ERP44: variants seen among roughly 807,000 people sequenced by gnomAD.
The protein encoded by ERP44 is endoplasmic reticulum protein 44.
ERP44 carries 25 observed loss-of-function variants against 53.4 expected under a neutral mutation model. The observed-to-expected ratio is 0.47, with a 90% CI of 0.34 to 0.65. ERP44 has a LOEUF of 0.65. Among genes scored for constraint, ERP44 ranks in the 30% least tolerant of loss-of-function variants. The probability of loss-of-function intolerance (pLI) is 0.01; values close to 1 mark genes in which losing one functional copy is unlikely to be tolerated. For missense variants in ERP44, 338 were observed against 493.2 expected (o/e 0.69, Z 2.98); for synonymous variants, 145 against 161.2 (o/e 0.90, Z 0.76).
chr9:99,983,880 C>T (rs1830173117), intron 11 of ERP44, among the ~76,000 whole-genome samples: 1 of 152,184 alleles, frequency 6.6e-6, no homozygotes, highest in African/African-American at 2.4e-5. Context: ...TTGGTGCCCT[C>T]TGTTAGTACA....
At chr9:100,096,985 C>G (rs968819118) in intron 1 of ERP44, among the ~76,000 whole-genome samples, 13 of 152,272 alleles carry the variant, frequency 8.5e-5, no homozygotes, top group African/African-American at 2.6e-4. Context: ...TAGGTAAACA[C>G]TGTATTCCAA....
chr9:99,993,066 A>G (rs1830272613), intron 10 of ERP44, among the ~76,000 whole-genome samples: 1 of 152,240 alleles, frequency 6.6e-6, no homozygotes, highest in Non-Finnish European at 1.5e-5. Flanking sequence ...AAGAATCAAT[A>G]TCATAAAAAT....
At chr9:100,027,402 C>G (rs1235388463) in intron 4 of ERP44, among the ~76,000 whole-genome samples, 1 of 152,118 alleles carries the variant, frequency 6.6e-6, no homozygotes, top group Non-Finnish European at 1.5e-5. Context: ...AAGCAAAAAC[C>G]TTAAAATTAC....
intron 8 of ERP44, among the ~76,000 whole-genome samples, chr9:100,011,607 TTA>T (rs1317346776): frequency 1.3e-5 from 2 of 152,086 alleles, no homozygotes; most frequent in Admixed American, 6.5e-5. Context: ...TGACACATAA[TTA>T]AAGATAGAAA....
At chr9:100,077,338 C>T (rs571226834) in intron 1 of ERP44, among the ~76,000 whole-genome samples, 1 of 152,316 alleles carries the variant, frequency 6.6e-6, no homozygotes, top group South Asian at 2.1e-4. Flanking sequence ...TCTCCATCAT[C>T]CTGAAGCAGC....
At chr9:100,088,297 T>G (rs1323208381) in intron 1 of ERP44, among the ~76,000 whole-genome samples, 1 of 152,278 alleles carries the variant, frequency 6.6e-6, no homozygotes, top group Non-Finnish European at 1.5e-5. Flanking sequence ...ATGCTGTATC[T>G]TATTCACTAT....
intron 8 of ERP44, among the ~76,000 whole-genome samples, chr9:100,008,476 A>C (rs1830441173): frequency 6.6e-6 from 1 of 152,218 alleles, no homozygotes; most frequent in Admixed American, 6.5e-5. Flanking sequence ...ACAAATGCTA[A>C]GTTCTGACTC....
chr9:100,014,634 C>T (rs1001737062), intron 8 of ERP44, among the ~76,000 whole-genome samples: 1 of 152,302 alleles, frequency 6.6e-6, no homozygotes, highest in East Asian at 1.9e-4. Context: ...TTTAATATTT[C>T]ACAGCATGTG....
intron 9 of ERP44, 85 bp from the exon 10 acceptor site, chr9:100,006,732 T>A (rs1239740568): frequency 4.3e-6 from 4 of 939,250 alleles, no homozygotes; most frequent in East Asian, 2.5e-5. Flanking sequence ...AAAAGTGACA[T>A]ACTAAAAAAA....
At position 100,098,795 on chromosome 9, in the gene ERP44, G is replaced by A. The variant is rs140289515; in HGVS notation, c.46C>T (p.Leu16Phe). ...ATTCCCTCACTCACCAGGAGCAGAAGGGAGCATCTGAGGTCGGGTAAGGAT... is the reference window on the plus strand; with the variant it reads ...ATTCCCTCACTCACCAGGAGCAGAAAGGAGCATCTGAGGTCGGGTAAGGAT... ...FLSLPDLRCS[L>F]LLLVTWVFTP... is the part of the protein sequence containing the mutation. The change falls in exon 1 of 12, where the codon CTT becomes TTT. Residue 16 changes from leucine to phenylalanine, a missense_variant. Around this residue, in one of 3 missense-constraint regions of ERP44, gnomAD observed 224 missense variants for 301.4 expected, o/e 0.74. Coordinates refer to ENST00000262455, the MANE Select transcript of ERP44 (RefSeq NM_015051.3). The A allele has an allele frequency of 6.2e-7, 1 of 1,613,818 alleles. No individual in the cohort carries two copies. The highest frequency in any genetic ancestry group is 1.3e-5 in the African/African-American group (1 of 74,938).
chr9:100,078,869 G>T (rs1432210587), intron 1 of ERP44, among the ~76,000 whole-genome samples: 1 of 152,218 alleles, frequency 6.6e-6, no homozygotes, highest in Admixed American at 6.5e-5. Context: ...TTATGTAGTA[G>T]TATTTGGGTT....
chr9:100,021,199 C>T (rs924584146), intron 5 of ERP44, among the ~76,000 whole-genome samples: 1 of 152,154 alleles, frequency 6.6e-6, no homozygotes, highest in African/African-American at 2.4e-5. Context: ...GCGAGCAACA[C>T]GGAAATACGA....
chr9:100,079,455 C>G (rs866494747), intron 1 of ERP44, among the ~76,000 whole-genome samples: 8 of 144,732 alleles, frequency 5.5e-5, no homozygotes, highest in South Asian at 2.1e-4. Flanking sequence ...CACACACACA[C>G]AGACACCCTA....
At chr9:100,087,418 C>G (rs747813972) in intron 1 of ERP44, among the ~76,000 whole-genome samples, 1 of 152,116 alleles carries the variant, frequency 6.6e-6, no homozygotes, top group Non-Finnish European at 1.5e-5. Flanking sequence ...TACCATTGGA[C>G]AGACAACTTG....
chr9:100,075,662 T>A (rs1826347544), intron 1 of ERP44, among the ~76,000 whole-genome samples: 1 of 152,186 alleles, frequency 6.6e-6, no homozygotes, highest in Non-Finnish European at 1.5e-5. Context: ...TTTCTAGGGT[T>A]TCAGTGGTGT....
chr9:99,980,287 A>ACAT lies in ERP44; in HGVS notation c.*2322_*2324dup, dbSNP rs1830135256. On this transcript the variant is annotated 3_prime_UTR_variant, in exon 12 of 12. Transcript: ENST00000262455. ...CAGAAATAATGCTTTATTCAGCTTT[A>ACAT]CATCTTTCATCATATACTACAGCAC... The ACAT allele has an allele frequency of 2.6e-6, 1 of 378,558 alleles. No individual in the cohort carries two copies. 23.4% of individuals were successfully genotyped at this position (378,558 alleles called of 1,614,324 possible).
chr9:100,043,744 G>A (rs1004856465), intron 4 of ERP44, among the ~76,000 whole-genome samples: 3 of 151,478 alleles, frequency 2.0e-5, no homozygotes, highest in Non-Finnish European at 2.9e-5. Context: ...GACAGAGCAA[G>A]ACTCTGTCTC....
At chr9:100,047,844 A>AAT (rs1825991583) in intron 4 of ERP44, among the ~76,000 whole-genome samples, 1 of 152,188 alleles carries the variant, frequency 6.6e-6, no homozygotes, top group Non-Finnish European at 1.5e-5. Context: ...ATGAGGGGTG[A>AAT]ATATCTAGAA....
At chr9:99,987,219 A>G (rs1229347815) in intron 10 of ERP44, among the ~76,000 whole-genome samples, 2 of 152,256 alleles carry the variant, frequency 1.3e-5, no homozygotes, top group Non-Finnish European at 2.9e-5. Flanking sequence ...GCTCTTATCT[A>G]GCTTGTGGCC....
Sources: gnomAD v4.1 joint callset for allele counts (sites outside exome capture counted in the v4.1 genomes callset) on GRCh38, gnomAD v4.1.1 for gene constraint, gnomAD v4.1.1 regional missense constraint, MANE v1.5 for transcripts, NCBI Gene and HGNC (gene_info 2026-07-23, HGNC 2026-07-21) for gene names.